The following PLD5 variants were observed in gnomAD, a reference collection of about 807,000 sequenced individuals.
PLD5 encodes phospholipase D family member 5, also known as inactive phospholipase D5.
Under a neutral mutation model 61.1 loss-of-function variants are expected in PLD5, and 36 were observed. That is an observed-to-expected ratio of 0.59 (90% CI 0.45 to 0.78). The LOEUF (loss-of-function observed/expected upper bound fraction) is 0.78, where lower values mean the gene tolerates loss of function less well. PLD5 is among the 30% of genes least tolerant of loss of function. PLD5 has a pLI of 0.00. For missense variants in PLD5, 515 were observed against 644.4 expected (o/e 0.80, Z 2.17); for synonymous variants, 243 against 242.8 (o/e 1.00, Z -0.01).
chr1:242,173,559 T>C (rs1041663275), intron 5 of PLD5, among the ~76,000 whole-genome samples: 1 of 152,138 alleles, frequency 6.6e-6, no homozygotes, highest in African/African-American at 2.4e-5. Context: ...AAAGTTCATA[T>C]GGAACCAAAA....
At chr1:242,164,063 T>G (rs761545490) in intron 5 of PLD5, among the ~76,000 whole-genome samples, 19 of 151,906 alleles carry the variant, frequency 1.3e-4, no homozygotes, top group South Asian at 4.2e-4. Context: ...GTGCAAAGGA[T>G]AAGTGACTAT....
rs895547630 is a variant in PLD5, at chr1:242,089,243, A to G, written c.*611T>C. 6.0e-5 allele frequency: 24 copies of G among 398,658 alleles called. No individual in the cohort carries two copies. Among genetic ancestry groups the G allele is most frequent in the Middle Eastern group, 6.2e-4 (1 of 1,604 alleles). 24.7% of individuals were successfully genotyped at this position (398,658 alleles called of 1,614,324 possible). On this transcript the variant is annotated 3_prime_UTR_variant, in exon 10 of 10. Transcript: ENST00000536534. ...TGTTGAGGTGAATACAGAAAATGCT[A>G]TATAATAGGAACATTTTGTGAGAAG...
intron 4 of PLD5, among the ~76,000 whole-genome samples, chr1:242,235,204 G>A (rs1355793442): frequency 6.6e-6 from 1 of 152,126 alleles, no homozygotes; most frequent in South Asian, 2.1e-4. Context: ...GGTAATAACA[G>A]GGTTCTGATT....
chr1:242,360,385 A>G (rs1661000241), intron 1 of PLD5, among the ~76,000 whole-genome samples: 1 of 152,164 alleles, frequency 6.6e-6, no homozygotes, highest in Non-Finnish European at 1.5e-5. Context: ...AATAATTTTA[A>G]ATAATATCTT....
chr1:242,484,602 A>T (rs868676372), intron 1 of PLD5, among the ~76,000 whole-genome samples: 4 of 152,164 alleles, frequency 2.6e-5, no homozygotes, highest in South Asian at 2.1e-4. Context: ...AGGACCAGAC[A>T]GATTCACAGC....
At chr1:242,388,264 G>A (rs1317407355) in intron 1 of PLD5, among the ~76,000 whole-genome samples, 1 of 152,154 alleles carries the variant, frequency 6.6e-6, no homozygotes, top group African/African-American at 2.4e-5. Flanking sequence ...GAAAGTCAAT[G>A]CTTTAGGAAA....
intron 2 of PLD5, among the ~76,000 whole-genome samples, chr1:242,303,849 G>A (rs528782533): frequency 1.3e-5 from 2 of 152,292 alleles, no homozygotes; most frequent in East Asian, 1.9e-4. Flanking sequence ...GCTTTTCCAC[G>A]AGAGGGCGAT....
chr1:242,475,868 G>A (rs912493049), intron 1 of PLD5, among the ~76,000 whole-genome samples: 1 of 152,048 alleles, frequency 6.6e-6, no homozygotes, highest in African/African-American at 2.4e-5. Flanking sequence ...GCACGGGGAG[G>A]GTGGCCACCT....
At chr1:242,234,763 G>A (rs1671528561) in intron 4 of PLD5, among the ~76,000 whole-genome samples, 1 of 152,034 alleles carries the variant, frequency 6.6e-6, no homozygotes. Flanking sequence ...TCCTTTCTCA[G>A]TCCCTGATTC....
At chr1:242,355,089 T>C (rs1660684809) in intron 1 of PLD5, among the ~76,000 whole-genome samples, 1 of 152,126 alleles carries the variant, frequency 6.6e-6, no homozygotes, top group African/African-American at 2.4e-5. Flanking sequence ...TTTTCTTTAC[T>C]TGTGATGTCC....
chr1:242,484,516 T>C (rs1313154996), intron 1 of PLD5, among the ~76,000 whole-genome samples: 1 of 152,142 alleles, frequency 6.6e-6, no homozygotes, highest in Non-Finnish European at 1.5e-5. Flanking sequence ...CAGGAAGAAG[T>C]TGAATCCCTG....
In PLD5 at chr1:242,208,216, A is replaced by G. The variant is rs1200367444; in HGVS notation, c.735+11772T>C. Among the ~76,000 whole-genome samples the G allele has an allele frequency of 2.0e-4, 30 of 151,844 alleles. No homozygotes were observed. The East Asian group carries it at 5.8e-3, about 30-fold the overall frequency. The stretch of plus-strand genomic sequence containing the variant: ...AGCAGGATCTCTTTCTTTCTTCAGC[A>G]TGCCTGCACAGGTGAGCTCACCCCG... On this transcript the variant is annotated intron_variant, in intron 5 of 9. Coordinates refer to ENST00000536534, the MANE Select transcript of PLD5 (RefSeq NM_001372062.1).
intron 2 of PLD5, among the ~76,000 whole-genome samples, chr1:242,328,175 G>T (rs1376520561): frequency 7.2e-5 from 11 of 152,024 alleles, no homozygotes; most frequent in Non-Finnish European, 1.2e-4. Flanking sequence ...ATTAGGAGTG[G>T]GTGTTGGTTT....
chr1:242,237,121 TC>T (rs1671687489), intron 4 of PLD5, among the ~76,000 whole-genome samples: 1 of 152,168 alleles, frequency 6.6e-6, no homozygotes, highest in African/African-American at 2.4e-5. Context: ...CTCTTAAATT[TC>T]TTTCTCCCTT....
intron 5 of PLD5, among the ~76,000 whole-genome samples, chr1:242,212,426 G>C (rs937428449): frequency 1.3e-5 from 2 of 152,206 alleles, no homozygotes; most frequent in Non-Finnish European, 2.9e-5. Context: ...GCGAGCGGTG[G>C]GCAGAAGGAA....
chr1:242,493,670 C>T (rs1668249280), intron 1 of PLD5, among the ~76,000 whole-genome samples: 1 of 152,032 alleles, frequency 6.6e-6, no homozygotes, highest in African/African-American at 2.4e-5. Context: ...CCAGGATGGG[C>T]CCTGTGGGAC....
chr1:242,513,603 C>T (rs1669006069), intron 1 of PLD5, among the ~76,000 whole-genome samples: 1 of 152,226 alleles, frequency 6.6e-6, no homozygotes, highest in Non-Finnish European at 1.5e-5. Context: ...CAAAGGCCCA[C>T]TCATATATGC....
chr1:242,191,737 A>T (rs1668300673), intron 5 of PLD5, among the ~76,000 whole-genome samples: 1 of 152,194 alleles, frequency 6.6e-6, no homozygotes, highest in African/African-American at 2.4e-5. Flanking sequence ...ACCAAAATCA[A>T]CAGACAGGAG....
intron 5 of PLD5, chr1:242,188,821 G>A (rs1195455963): frequency 6.6e-6 from 1 of 152,124 alleles, no homozygotes; most frequent in Non-Finnish European, 1.5e-5. Flanking sequence ...TGTTGCAGAA[G>A]TACTTCGTAA....
Sources: allele counts gnomAD v4.1 joint callset (sites outside exome capture counted in the v4.1 genomes callset), GRCh38; gene constraint gnomAD v4.1.1; transcripts MANE v1.5; gene names NCBI Gene and HGNC (gene_info 2026-07-23, HGNC 2026-07-21).